The following DMD variants were observed in gnomAD, a reference collection of about 807,000 sequenced individuals.
DMD encodes the protein mutant dystrophin.
In DMD, 63 loss-of-function variants were observed where a neutral mutation model predicts 330.1. The observed-to-expected ratio is 0.19, with a 90% CI of 0.16 to 0.24. The LOEUF (loss-of-function observed/expected upper bound fraction) is 0.24, where lower values mean the gene tolerates loss of function less well. Ranked by LOEUF, DMD falls within the 10% of genes least tolerant of loss-of-function variation. The probability of loss-of-function intolerance (pLI) is 1.00; values close to 1 mark genes in which losing one functional copy is unlikely to be tolerated. For synonymous variants in DMD, 1,223 were observed against 959.8 expected (o/e 1.27, Z -5.07); for missense variants, 3,344 against 2,684.1 (o/e 1.25, Z -5.43).
chrX:32,536,183 T>G (rs1459518257), intron 17 of DMD, among the ~76,000 whole-genome samples: 1 of 101,281 alleles, frequency 9.9e-6, no homozygotes, highest in Non-Finnish European at 1.9e-5. Flanking sequence ...GACAATCGCT[T>G]GAACCCACGG....
chrX:32,717,744 C>T (rs991610214), intron 7 of DMD, among the ~76,000 whole-genome samples: 1 of 111,403 alleles, frequency 9.0e-6, no homozygotes, highest in African/African-American at 3.3e-5. Flanking sequence ...CCCATGAAAA[C>T]AACTAAGGGT....
intron 7 of DMD, among the ~76,000 whole-genome samples, chrX:32,730,574 G>A (rs754196403): frequency 3.5e-4 from 39 of 111,845 alleles, no homozygotes; most frequent in Middle Eastern, 4.6e-3. Context: ...ATAGTAAGAT[G>A]TTTGCCCTAG....
intron 63 of DMD, among the ~76,000 whole-genome samples, chrX:31,254,557 G>A (rs1035634491): frequency 3.6e-5 from 4 of 110,713 alleles, no homozygotes; most frequent in African/African-American, 9.9e-5. Context: ...GGGAGACGGG[G>A]TTTCACCACG....
intron 44 of DMD, among the ~76,000 whole-genome samples, chrX:32,208,349 T>C (rs1281147106): frequency 8.9e-6 from 1 of 112,048 alleles, no homozygotes. Flanking sequence ...AAACTGTTCA[T>C]TACATGCAAA....
At chrX:31,145,211 T>C (rs1302571267) in intron 76 of DMD, among the ~76,000 whole-genome samples, 1 of 112,022 alleles carries the variant, frequency 8.9e-6, no homozygotes, top group Non-Finnish European at 1.9e-5. Context: ...CCTAAAATGG[T>C]TTCTCAAAAT....
intron 1 of DMD, among the ~76,000 whole-genome samples, chrX:33,140,707 T>C (rs17341240): frequency 0.063 from 7,032 of 112,162 alleles, 227 homozygotes; most frequent in South Asian, 0.2. Flanking sequence ...GGACTTCATT[T>C]AATAGATTTT....
At chrX:31,857,153 C>T (rs902322522) in intron 48 of DMD, among the ~76,000 whole-genome samples, 26 of 109,903 alleles carry the variant, frequency 2.4e-4, no homozygotes, top group Admixed American at 1.9e-4. Context: ...CTGAGGCTGA[C>T]GGATCACTTG....
intron 22 of DMD, among the ~76,000 whole-genome samples, chrX:32,471,169 T>A (rs999740484): frequency 6.3e-5 from 7 of 110,798 alleles, no homozygotes; most frequent in Non-Finnish European, 5.7e-5. Context: ...TCCCAGCTAC[T>A]CAGGAGGCTA....
chrX:31,655,873 C>A (rs755865027), intron 54 of DMD, among the ~76,000 whole-genome samples: 5 of 111,351 alleles, frequency 4.5e-5, no homozygotes, highest in Non-Finnish European at 9.4e-5. Context: ...TACGGAAGCA[C>A]GAAAAGGACT....
At chrX:31,310,583 T>C (rs750510356) in intron 62 of DMD, among the ~76,000 whole-genome samples, 2 of 110,954 alleles carry the variant, frequency 1.8e-5, no homozygotes, top group African/African-American at 3.3e-5. Context: ...CTTGCTGTGT[T>C]GCCCAAGCTG....
At position 31,478,148 on chromosome X, in the gene DMD, A is replaced by G; in HGVS notation, c.8895T>C (p.Asp2965=). 1 of 1,210,559 alleles carries G rather than the reference A, an allele frequency of 8.3e-7. No homozygotes were observed. The change falls in exon 59 of 79, where the codon GAT becomes GAC. Residue 2965 remains aspartate, a synonymous_variant. Coordinates refer to ENST00000357033, the MANE Select transcript of DMD (RefSeq NM_004006.3). ...GATCTTGGAGAGAGTCAATGAGGAG[A>G]TCGCCCACGGGCTGCCAGGATCCCT... ...VIKGSWQPVG[D]LLIDSLQDHL... is the part of the protein sequence containing the mutation.
chrX:31,798,202 T>A (rs780877298), intron 50 of DMD, among the ~76,000 whole-genome samples: 1 of 111,974 alleles, frequency 8.9e-6, no homozygotes, highest in East Asian at 2.8e-4. Context: ...TTGAAGCTCA[T>A]ACAGTTTTTG....
At chrX:32,184,957 CT>C (rs1358586807) in intron 44 of DMD, among the ~76,000 whole-genome samples, 1 of 106,795 alleles carries the variant, frequency 9.4e-6, no homozygotes, top group African/African-American at 3.4e-5. Flanking sequence ...CCTTCATGTA[CT>C]CCCAGGTTAC....
intron 1 of DMD, 24 bp from the exon 2 acceptor site, chrX:33,020,224 A>C (rs763910285): frequency 2.9e-6 from 3 of 1,049,466 alleles, no homozygotes; most frequent in Non-Finnish European, 4.0e-6. Flanking sequence ...TAAAAAAATA[A>C]AAGTTAGGAA....
At chrX:32,718,426 CT>C (rs2065941749) in intron 7 of DMD, among the ~76,000 whole-genome samples, 1 of 111,424 alleles carries the variant, frequency 9.0e-6, no homozygotes, top group African/African-American at 3.3e-5. Flanking sequence ...TTCCTGAGAC[CT>C]CCCCAGCCAT....
Position 32,376,713 on chromosome X carries a change from A to AT in DMD, c.4845+3796dup, listed in dbSNP as rs1196951387. 1.5e-3 allele frequency among the ~76,000 whole-genome samples: 150 copies of AT among 102,260 alleles called. 1 individual carries two copies. Among genetic ancestry groups the AT allele is most frequent in the African/African-American group, 3.4e-3 (92 of 26,820 alleles). The allele number at this position is 102,260 out of a possible 115,157, so 88.8% of individuals were successfully genotyped here. On this transcript the variant is annotated intron_variant, in intron 34 of 78. Coordinates refer to ENST00000357033, the MANE Select transcript of DMD (RefSeq NM_004006.3). Reference sequence around the variant, plus strand: ...AGGTGAAATGAGTATAGAGAATCCAATTTTTTTTTTTTCTCATAAAAACTT... The same window carrying AT: ...AGGTGAAATGAGTATAGAGAATCCAATTTTTTTTTTTTTCTCATAAAAACTT...
intron 37 of DMD, among the ~76,000 whole-genome samples, chrX:32,358,538 CT>C (rs982589358): frequency 7.2e-5 from 8 of 111,736 alleles, no homozygotes; most frequent in African/African-American, 2.6e-4. Flanking sequence ...AAAAAACACG[CT>C]TTTTTCAAAG....
intron 32 of DMD, among the ~76,000 whole-genome samples, chrX:32,387,057 A>G (rs1274899990): frequency 1.8e-5 from 2 of 111,166 alleles, no homozygotes; most frequent in Admixed American, 1.9e-4. Flanking sequence ...TTCAATGTTA[A>G]TTAAATTACA....
intron 17 of DMD, among the ~76,000 whole-genome samples, chrX:32,531,920 CT>C (rs2047517457): frequency 9.0e-6 from 1 of 111,134 alleles, no homozygotes; most frequent in Non-Finnish European, 1.9e-5. Flanking sequence ...AAATATGATC[CT>C]TAGTTGTATA....
Sources: gnomAD v4.1 joint callset for allele counts (sites outside exome capture counted in the v4.1 genomes callset) on GRCh38, gnomAD v4.1.1 for gene constraint, MANE v1.5 for transcripts, NCBI Gene and HGNC (gene_info 2026-07-23, HGNC 2026-07-21) for gene names.